The following CCT3 variants were observed in gnomAD, a reference collection of about 807,000 sequenced individuals.
CCT3 encodes the protein T-complex protein 1 subunit gamma.
A neutral mutation model predicts 65.3 loss-of-function variants in CCT3; 10 were observed. That is an observed-to-expected ratio of 0.15 (90% CI 0.09 to 0.26). The LOEUF (loss-of-function observed/expected upper bound fraction) is 0.26, where lower values mean the gene tolerates loss of function less well. Among genes scored for constraint, CCT3 ranks in the 10% least tolerant of loss-of-function variants. The pLI, the probability that CCT3 is intolerant of heterozygous loss-of-function variation, is 1.00. For missense variants in CCT3, 626 were observed against 708.7 expected, an observed-to-expected ratio of 0.88 and a Z score of 1.33; for synonymous variants, 225 against 242.3, an observed-to-expected ratio of 0.93 and a Z score of 0.66.
chr1:156,325,112 A>G (rs1558269845), intron 5 of CCT3, 23 bp from the exon 6 acceptor site: 1 of 1,514,822 alleles, frequency 6.6e-7, no homozygotes, highest in Non-Finnish European at 9.1e-7. Flanking sequence ...CAAGCACCAT[A>G]GTAATATTTA....
chr1:156,323,749 G>A (rs1031959015), intron 6 of CCT3, among the ~76,000 whole-genome samples: 2 of 151,456 alleles, frequency 1.3e-5, no homozygotes, highest in African/African-American at 4.9e-5. Context: ...ACAGACGTGA[G>A]CCACCGCACC....
intron 5 of CCT3, among the ~76,000 whole-genome samples, chr1:156,329,896 G>A (rs1185953008): frequency 2.0e-5 from 3 of 151,326 alleles, no homozygotes; most frequent in East Asian, 2.0e-4. Context: ...CCAAGATCGC[G>A]CCAGTGCACT....
In CCT3 at chr1:156,325,429, A is replaced by C. The variant is rs529565341; in HGVS notation, c.305-340T>G. Among the ~76,000 whole-genome samples the C allele has an allele frequency of 2.2e-4, 34 of 152,230 alleles. No individual in the cohort carries two copies. The South Asian group carries it at 6.8e-3, about 31-fold the overall frequency. On this transcript the variant is annotated intron_variant, in intron 5 of 13. Coordinates refer to ENST00000295688, the MANE Select transcript of CCT3 (RefSeq NM_005998.5). The stretch of plus-strand genomic sequence containing the variant: ...GCAGTCCCAGCTACTCAGGAGGCTG[A>C]GGTTAAGAGGATCACTTGAGCCCAG...
intron 6 of CCT3, 41 bp from the exon 7 acceptor site, chr1:156,321,066 T>G (rs1252404551): frequency 1.2e-5 from 19 of 1,537,064 alleles, no homozygotes; most frequent in Non-Finnish European, 1.6e-5. Context: ...AGAAGGCATG[T>G]TAGATATGTA....
At chr1:156,328,726 CA>C (rs1220347194) in intron 5 of CCT3, among the ~76,000 whole-genome samples, 1 of 152,062 alleles carries the variant, frequency 6.6e-6, no homozygotes, top group Non-Finnish European at 1.5e-5. Flanking sequence ...CTGCGGAAGG[CA>C]GCAGGGTCCT....
chr1:156,336,849 GT>G (rs1346470158), intron 1 of CCT3, among the ~76,000 whole-genome samples: 1 of 151,680 alleles, frequency 6.6e-6, no homozygotes, highest in Non-Finnish European at 1.5e-5. Flanking sequence ...TCAGGGAGCT[GT>G]AACCAAAAAC....
At chr1:156,317,801 T>C (rs966492594) in intron 8 of CCT3, among the ~76,000 whole-genome samples, 16 of 151,630 alleles carry the variant, frequency 1.1e-4, no homozygotes, top group Non-Finnish European at 1.0e-4. Flanking sequence ...CTCTGCCTCC[T>C]GGGTTCAAGC....
chr1:156,323,349 C>A (rs552901230), intron 6 of CCT3, among the ~76,000 whole-genome samples: 1 of 151,884 alleles, frequency 6.6e-6, no homozygotes, highest in South Asian at 2.1e-4. Context: ...TAATATAAAC[C>A]TCACCAAATT....
chr1:156,333,697 T>C (rs181302942), intron 4 of CCT3, 54 bp from the exon 5 acceptor site: 42 of 1,364,404 alleles, frequency 3.1e-5, no homozygotes, highest in Non-Finnish European at 4.3e-5. Flanking sequence ...TCTGAACTCA[T>C]GAAGCTTGGC....
intron 5 of CCT3, chr1:156,333,333 A>T: frequency 2.0e-6 from 1 of 511,670 alleles, no homozygotes; most frequent in Non-Finnish European, 3.5e-6. Flanking sequence ...TACAGTGAAT[A>T]AAGAGAATTA....
intron 8 of CCT3, among the ~76,000 whole-genome samples, chr1:156,317,834 G>A (rs922093063): frequency 6.6e-6 from 1 of 150,870 alleles, no homozygotes; most frequent in East Asian, 2.0e-4. Context: ...TCAGCCTCCC[G>A]AGTAGCTGGG....
At chr1:156,332,968 T>C (rs1665170762) in intron 5 of CCT3, 1 of 159,970 alleles carries the variant, frequency 6.3e-6, no homozygotes, top group Non-Finnish European at 1.4e-5. Context: ...GTATTTCCTA[T>C]AGAAGCAATG....
At chr1:156,309,337 C>T (rs925518240) in intron 13 of CCT3, 34 bp from the exon 14 acceptor site, 1 of 1,423,966 alleles carries the variant, frequency 7.0e-7, no homozygotes, top group Non-Finnish European at 9.9e-7. Flanking sequence ...AAGAGGTCAG[C>T]AGAGAAGGAA....
chr1:156,337,101 T>C, intron 1 of CCT3: 2 of 1,284,998 alleles, frequency 1.6e-6, no homozygotes, highest in Non-Finnish European at 2.0e-6. Context: ...ATGGAGGTGG[T>C]GCTCATCAGA....
intron 12 of CCT3, 103 bp downstream of exon 12, chr1:156,310,847 A>C (rs1389077534): frequency 6.7e-7 from 1 of 1,487,146 alleles, no homozygotes; most frequent in Non-Finnish European, 9.1e-7. Context: ...ATTTCAAGGA[A>C]TAGACTATAA....
chr1:156,328,892 A>G (rs1664981466), intron 5 of CCT3, among the ~76,000 whole-genome samples: 1 of 152,180 alleles, frequency 6.6e-6, no homozygotes, highest in African/African-American at 2.4e-5. Context: ...CATGTTATTC[A>G]TTAGTATGTG....
At chr1:156,328,899 T>C (rs1306845552) in intron 5 of CCT3, among the ~76,000 whole-genome samples, 1 of 152,204 alleles carries the variant, frequency 6.6e-6, no homozygotes, top group Non-Finnish European at 1.5e-5. Flanking sequence ...TTCATTAGTA[T>C]GTGCTCCAGT....
At chr1:156,309,874 T>G (rs903056962) in intron 13 of CCT3, among the ~76,000 whole-genome samples, 5 of 150,714 alleles carry the variant, frequency 3.3e-5, no homozygotes, top group African/African-American at 1.2e-4. Flanking sequence ...CCGTCTCTAC[T>G]AAAAATAGAA....
At chr1:156,320,362 C>T (rs12120137) in intron 7 of CCT3, among the ~76,000 whole-genome samples, 36,714 of 152,062 alleles carry the variant, frequency 0.24, 4,937 homozygotes, top group Non-Finnish European at 0.29. Context: ...GAGCCGAGAT[C>T]GCACCACTGC....
Sources: allele counts gnomAD v4.1 joint callset (sites outside exome capture counted in the v4.1 genomes callset), GRCh38; gene constraint gnomAD v4.1.1; transcripts MANE v1.5; gene names NCBI Gene and HGNC (gene_info 2026-07-23, HGNC 2026-07-21).